CCDC148: variants seen among roughly 807,000 people sequenced by gnomAD.
CCDC148 encodes coiled-coil domain-containing protein 148.
In CCDC148, 89 loss-of-function variants were observed where a neutral mutation model predicts 85.7. That is an observed-to-expected ratio of 1.04 (90% CI 0.87 to 1.24). CCDC148 has a LOEUF of 1.24. Ranked by LOEUF, CCDC148 falls within the 50% of genes most tolerant of loss-of-function variation. The probability of loss-of-function intolerance (pLI) is 0.00; values close to 1 mark genes in which losing one functional copy is unlikely to be tolerated. For missense variants in CCDC148, 692 were observed against 671.7 expected, an observed-to-expected ratio of 1.03 and a Z score of -0.33; for synonymous variants, 230 against 213.9, an observed-to-expected ratio of 1.08 and a Z score of -0.66.
At chr2:158,419,248 TAA>T (rs1686652723) in intron 1 of CCDC148, among the ~76,000 whole-genome samples, 1 of 152,172 alleles carries the variant, frequency 6.6e-6, no homozygotes, top group Non-Finnish European at 1.5e-5. Context: ...TGCCTAATTT[TAA>T]AAAGTCATCA....
intron 1 of CCDC148, among the ~76,000 whole-genome samples, chr2:158,423,594 AC>A (rs1440403131): frequency 6.6e-6 from 1 of 152,210 alleles, no homozygotes; most frequent in Admixed American, 6.5e-5. Flanking sequence ...TAAATGTTAG[AC>A]CTAAAACCAT....
At chr2:158,351,953 C>A (rs1370331951) in intron 2 of CCDC148, among the ~76,000 whole-genome samples, 1 of 144,950 alleles carries the variant, frequency 6.9e-6, no homozygotes, top group Non-Finnish European at 1.5e-5. Context: ...GAGGCACCCC[C>A]CAGCAGGGGC....
chr2:158,276,451 A>C (rs1689949125), intron 9 of CCDC148, among the ~76,000 whole-genome samples: 1 of 151,934 alleles, frequency 6.6e-6, no homozygotes, highest in African/African-American at 2.4e-5. Context: ...AAACAAAAAC[A>C]AAAAACAAAC....
At chr2:158,372,250 C>T (rs531792517) in intron 1 of CCDC148, among the ~76,000 whole-genome samples, 21 of 151,836 alleles carry the variant, frequency 1.4e-4, no homozygotes, top group East Asian at 5.8e-4. Flanking sequence ...TTTTTTGGGG[C>T]GGGGGGAAAG....
At chr2:158,296,058 T>C (rs1451807196) in intron 9 of CCDC148, among the ~76,000 whole-genome samples, 1 of 152,226 alleles carries the variant, frequency 6.6e-6, no homozygotes, top group East Asian at 1.9e-4. Context: ...ATCTTAGCAG[T>C]GTCTTTCAAC....
At chr2:158,410,651 C>T (rs552442178) in intron 1 of CCDC148, among the ~76,000 whole-genome samples, 10 of 152,202 alleles carry the variant, frequency 6.6e-5, no homozygotes, top group South Asian at 2.1e-4. Context: ...CACATACACA[C>T]GTTGTGTTCT....
At chr2:158,174,568 T>C (rs1457276006) in intron 13 of CCDC148, among the ~76,000 whole-genome samples, 2 of 152,080 alleles carry the variant, frequency 1.3e-5, no homozygotes, top group Non-Finnish European at 2.9e-5. Context: ...TTAGGCAATT[T>C]TGTTGTGTGA....
chr2:158,193,986 T>C (rs1418659552), intron 11 of CCDC148, among the ~76,000 whole-genome samples: 1 of 150,554 alleles, frequency 6.6e-6, no homozygotes, highest in Non-Finnish European at 1.5e-5. Context: ...CTGCACGTTG[T>C]GCACATGTAC....
chr2:158,383,844 C>T (rs1408387237), intron 1 of CCDC148, among the ~76,000 whole-genome samples: 1 of 152,166 alleles, frequency 6.6e-6, no homozygotes, highest in African/African-American at 2.4e-5. Context: ...ATCTCATTCA[C>T]GTTTTGCCAA....
chr2:158,248,315 T>C (rs1455944861), intron 10 of CCDC148, among the ~76,000 whole-genome samples: 1 of 152,158 alleles, frequency 6.6e-6, no homozygotes, highest in African/African-American at 2.4e-5. Flanking sequence ...CTCTCCTTTA[T>C]TTAAATTTTA....
chr2:158,350,546 G>T (rs1303959160), intron 2 of CCDC148, among the ~76,000 whole-genome samples: 12 of 152,140 alleles, frequency 7.9e-5, no homozygotes, highest in Non-Finnish European at 1.5e-5. Flanking sequence ...TGGTCCAGAT[G>T]TCCCAATCAT....
intron 1 of CCDC148, among the ~76,000 whole-genome samples, chr2:158,423,824 A>C (rs1235565868): frequency 6.6e-6 from 1 of 151,994 alleles, no homozygotes; most frequent in Non-Finnish European, 1.5e-5. Context: ...TCATCTGACA[A>C]AGGGCTAATA....
chr2:158,410,042 T>C (rs1173506769), intron 1 of CCDC148, among the ~76,000 whole-genome samples: 2 of 152,120 alleles, frequency 1.3e-5, no homozygotes, highest in Non-Finnish European at 2.9e-5. Context: ...AAACTGTGAG[T>C]CCATTAAAAT....
At chr2:158,422,141 C>A (rs984293001) in intron 1 of CCDC148, among the ~76,000 whole-genome samples, 1 of 152,108 alleles carries the variant, frequency 6.6e-6, no homozygotes, top group Non-Finnish European at 1.5e-5. Context: ...GGATTCACAG[C>A]CAAATTCTAG....
At chr2:158,206,785 TATTGTATATAGGTG>T (rs1317016241) in intron 11 of CCDC148, among the ~76,000 whole-genome samples, 9 of 152,190 alleles carry the variant, frequency 5.9e-5, no homozygotes, top group Non-Finnish European at 1.2e-4. Flanking sequence ...AGTGCCCATG[TATTGTATATAGGTG>T]ATTTTAAAGA....
chr2:158,269,812 T>C (rs963916436), intron 9 of CCDC148, among the ~76,000 whole-genome samples: 15 of 152,220 alleles, frequency 9.9e-5, no homozygotes, highest in Non-Finnish European at 1.9e-4. Flanking sequence ...TGTCATTTTC[T>C]GAAATAAATT....
chr2:158,411,075 G>A (rs1477478129), intron 1 of CCDC148, among the ~76,000 whole-genome samples: 1 of 152,000 alleles, frequency 6.6e-6, no homozygotes, highest in Non-Finnish European at 1.5e-5. Context: ...GTATACTTAT[G>A]GAGTTCTCTT....
chr2:158,171,100 A>G lies in CCDC148; in HGVS notation c.*1013T>C, dbSNP rs1684309845. The G allele has an allele frequency of 6.6e-6, 1 of 151,970 alleles. No homozygotes were observed. Among genetic ancestry groups the G allele is most frequent in the East Asian group, 1.9e-4 (1 of 5,168 alleles). 9.4% of individuals were successfully genotyped at this position (151,970 alleles called of 1,614,324 possible). ...TTTTGTGAAGATTTATTCTAACGGG[A>G]CTGTACTTGTATTTTTTATTTCCAT... On this transcript the variant is annotated 3_prime_UTR_variant, in exon 14 of 14. Coordinates refer to ENST00000283233, the MANE Select transcript of CCDC148 (RefSeq NM_138803.4).
At chr2:158,172,966 C>T (rs1684388561) in intron 13 of CCDC148, among the ~76,000 whole-genome samples, 1 of 151,920 alleles carries the variant, frequency 6.6e-6, no homozygotes, top group Non-Finnish European at 1.5e-5. Flanking sequence ...ATTTGAAGTC[C>T]CCCTAGAGGA....
Sources: allele counts gnomAD v4.1 joint callset (sites outside exome capture counted in the v4.1 genomes callset), GRCh38; gene constraint gnomAD v4.1.1; transcripts MANE v1.5; gene names NCBI Gene and HGNC (gene_info 2026-07-23, HGNC 2026-07-21).